The following ASTN2 variants were observed in gnomAD, a reference collection of about 807,000 sequenced individuals.
ASTN2 encodes astrotactin-2.
In ASTN2, 54 loss-of-function variants were observed where a neutral mutation model predicts 139.8. The ratio of observed to expected loss-of-function variants is 0.39; its 90% CI spans 0.31 to 0.48. The LOEUF is 0.48. Ranked by LOEUF, ASTN2 falls within the 20% of genes least tolerant of loss-of-function variation. ASTN2 has a pLI of 0.95. For missense variants in ASTN2, 1,565 were observed against 1,725.1 expected (o/e 0.91, Z 1.64); for synonymous variants, 756 against 719.5 (o/e 1.05, Z -0.81).
chr9:116,448,263 T>C (rs566072316), intron 20 of ASTN2, among the ~76,000 whole-genome samples: 1 of 151,692 alleles, frequency 6.6e-6, no homozygotes, highest in South Asian at 2.1e-4. Flanking sequence ...ACTTAGCTCA[T>C]GCCCACCCCT....
At chr9:116,706,301 A>G (rs965168544) in intron 16 of ASTN2, among the ~76,000 whole-genome samples, 1 of 152,196 alleles carries the variant, frequency 6.6e-6, no homozygotes, top group African/African-American at 2.4e-5. Flanking sequence ...TAGTACAGTC[A>G]GACTCATTTG....
chr9:117,180,122 C>T (rs1831020712), intron 3 of ASTN2, among the ~76,000 whole-genome samples: 1 of 152,188 alleles, frequency 6.6e-6, no homozygotes. Flanking sequence ...GAGTAGTCTT[C>T]CATTCTTGAT....
chr9:117,356,925 TG>T (rs1829555238), intron 1 of ASTN2, among the ~76,000 whole-genome samples: 1 of 151,690 alleles, frequency 6.6e-6, no homozygotes, highest in Non-Finnish European at 1.5e-5. Flanking sequence ...TAGCCGGGTC[TG>T]GTGGGCGCAT....
At chr9:117,361,507 A>G (rs569326404) in intron 1 of ASTN2, among the ~76,000 whole-genome samples, 1 of 152,312 alleles carries the variant, frequency 6.6e-6, no homozygotes, top group South Asian at 2.1e-4. Flanking sequence ...GAGTAAAACA[A>G]AACTGCATAG....
chr9:116,477,613 G>A (rs1849024401), intron 20 of ASTN2, among the ~76,000 whole-genome samples: 1 of 150,922 alleles, frequency 6.6e-6, no homozygotes, highest in African/African-American at 2.4e-5. Flanking sequence ...GATAAAAGAA[G>A]AGCGACCCTA....
chr9:116,431,388 G>A (rs1564272198), intron 22 of ASTN2, among the ~76,000 whole-genome samples: 1 of 152,130 alleles, frequency 6.6e-6, no homozygotes, highest in Non-Finnish European at 1.5e-5. Context: ...AAAAAAATGG[G>A]AACATGACCT....
intron 10 of ASTN2, among the ~76,000 whole-genome samples, chr9:116,904,449 C>T (rs1834102796): frequency 6.6e-6 from 1 of 152,198 alleles, no homozygotes; most frequent in Non-Finnish European, 1.5e-5. Flanking sequence ...GGTTCAAGTC[C>T]TGTCCTGGGA....
intron 2 of ASTN2, among the ~76,000 whole-genome samples, chr9:117,253,110 G>A (rs1224214029): frequency 6.6e-6 from 1 of 152,130 alleles, no homozygotes; most frequent in African/African-American, 2.4e-5. Flanking sequence ...GGCAGTCATT[G>A]GTGGCAAGGT....
intron 19 of ASTN2, among the ~76,000 whole-genome samples, chr9:116,534,043 G>C (rs945139190): frequency 1.2e-4 from 19 of 152,280 alleles, no homozygotes; most frequent in African/African-American, 4.1e-4. Context: ...TTCAGAGCCT[G>C]TTATTGGTCT....
At chr9:117,075,033 A>G (rs1828241914) in intron 5 of ASTN2, among the ~76,000 whole-genome samples, 1 of 152,192 alleles carries the variant, frequency 6.6e-6, no homozygotes, top group Non-Finnish European at 1.5e-5. Context: ...AGAATTTATC[A>G]TGTAGGCCAA....
At chr9:117,308,251 A>ATC (rs56911958) in intron 1 of ASTN2, among the ~76,000 whole-genome samples, 186 of 149,250 alleles carry the variant, frequency 1.2e-3, no homozygotes, top group African/African-American at 3.9e-3. Context: ...CAATCAATCA[A>ATC]ACAAACAAAA....
At chr9:116,888,179 G>A (rs1301621224) in intron 10 of ASTN2, among the ~76,000 whole-genome samples, 3 of 152,046 alleles carry the variant, frequency 2.0e-5, no homozygotes, top group Non-Finnish European at 4.4e-5. Context: ...GAGGTGGGAG[G>A]ATCGCTTGAT....
At chr9:117,056,289 C>T (rs1436780648) in intron 5 of ASTN2, among the ~76,000 whole-genome samples, 1 of 152,182 alleles carries the variant, frequency 6.6e-6, no homozygotes, top group Admixed American at 6.5e-5. Context: ...TAACTACTAC[C>T]AGTACCTACT....
intron 16 of ASTN2, among the ~76,000 whole-genome samples, chr9:116,669,253 T>C (rs1030646718): frequency 6.6e-6 from 1 of 152,210 alleles, no homozygotes; most frequent in African/African-American, 2.4e-5. Flanking sequence ...AATTTGCATG[T>C]AATTAAAAGT....
At chr9:116,542,902 A>AGAG (rs1851934002) in intron 19 of ASTN2, among the ~76,000 whole-genome samples, 1 of 152,202 alleles carries the variant, frequency 6.6e-6, no homozygotes, top group South Asian at 2.1e-4. Flanking sequence ...CCTGGGTGAC[A>AGAG]GAGCAAAACT....
intron 10 of ASTN2, among the ~76,000 whole-genome samples, chr9:116,888,401 C>T (rs944218879): frequency 1.3e-5 from 2 of 152,102 alleles, no homozygotes; most frequent in Non-Finnish European, 2.9e-5. Context: ...TTTATTGAAA[C>T]AGTGTAGATG....
chr9:116,901,171 C>A (rs1006987678), intron 10 of ASTN2, among the ~76,000 whole-genome samples: 2 of 151,912 alleles, frequency 1.3e-5, no homozygotes, highest in Admixed American at 1.3e-4. Context: ...CTTTAACTCA[C>A]CTTATATGCC....
intron 19 of ASTN2, among the ~76,000 whole-genome samples, chr9:116,566,604 C>T (rs979876955): frequency 1.3e-5 from 2 of 152,132 alleles, no homozygotes; most frequent in African/African-American, 2.4e-5. Context: ...ATACCTGCAG[C>T]GGAATTGATT....
At position 117,029,898 on chromosome 9, in the gene ASTN2, C is replaced by G. The variant is rs182970565; in HGVS notation, c.1423+9921G>C. 3.5e-4 allele frequency among the ~76,000 whole-genome samples: 54 copies of G among 152,140 alleles called. 1 individual carries two copies. In the South Asian group the frequency reaches 8.7e-3, roughly 25 times the overall value. ...TCTTTATACATATTAAAGCTGCAAACAGTGAGGAAAAGTCACAACATTCTC... is the reference window on the plus strand; with the variant it reads ...TCTTTATACATATTAAAGCTGCAAAGAGTGAGGAAAAGTCACAACATTCTC... On this transcript the variant is annotated intron_variant, in intron 6 of 22. Transcript: ENST00000313400.
Sources: gnomAD v4.1 joint callset for allele counts (sites outside exome capture counted in the v4.1 genomes callset) on GRCh38, gnomAD v4.1.1 for gene constraint, MANE v1.5 for transcripts, NCBI Gene and HGNC (gene_info 2026-07-23, HGNC 2026-07-21) for gene names.